Variants in RBPJ observed in about 807,000 individuals in gnomAD.
The protein encoded by RBPJ is recombining binding protein suppressor of hairless.
RBPJ carries 9 observed loss-of-function variants against 67.8 expected under a neutral mutation model. The observed-to-expected ratio is 0.13, with a 90% CI of 0.08 to 0.23. RBPJ has a LOEUF of 0.23. RBPJ is among the 10% of genes least tolerant of loss of function. The probability of loss-of-function intolerance (pLI) is 1.00; values close to 1 mark genes in which losing one functional copy is unlikely to be tolerated. For missense variants in RBPJ, 305 were observed against 595.6 expected, an observed-to-expected ratio of 0.51 and a Z score of 5.08; for synonymous variants, 198 against 203.3, an observed-to-expected ratio of 0.97 and a Z score of 0.22.
chr4:26,219,724 T>C (rs1379807759), intron 1 of RBPJ, among the ~76,000 whole-genome samples: 1 of 152,172 alleles, frequency 6.6e-6, no homozygotes, highest in Non-Finnish European at 1.5e-5. Flanking sequence ...TTAAAATGAC[T>C]AAATCCAAGT....
intron 1 of RBPJ, among the ~76,000 whole-genome samples, chr4:26,219,751 T>C (rs1718837939): frequency 6.6e-6 from 1 of 152,178 alleles, no homozygotes; most frequent in Non-Finnish European, 1.5e-5. Flanking sequence ...AACTGGTATA[T>C]GGCAGAGTCA....
chr4:26,430,291 T>A lies in RBPJ; in HGVS notation c.1045-128T>A. ...ATCTTGAAATGTTTTTAGCTAGCTT[T>A]GTAATAAAAAACATTTTAATTGCCC... On this transcript the variant is annotated intron_variant, in intron 9 of 10. Transcript: ENST00000355476. This position sits in a 1 kb window ranked among gnomAD's most constrained non-coding sequence, Gnocchi z 4.1. The A allele has an allele frequency of 1.1e-6, 1 of 894,976 alleles. No homozygotes were observed. The highest frequency in any genetic ancestry group is 1.7e-6 in the Non-Finnish European group (1 of 571,786). 55.4% of individuals were successfully genotyped at this position (894,976 alleles called of 1,614,324 possible).
chr4:26,156,435 T>C, the RBPJ span, among the ~76,000 whole-genome samples: 1 of 148,062 alleles, frequency 6.8e-6, no homozygotes, highest in African/African-American at 2.5e-5. Flanking sequence ...TTTTTTTTTT[T>C]TGAGACAGAG....
intron 2 of RBPJ, among the ~76,000 whole-genome samples, chr4:26,392,149 T>C (rs1731567548): frequency 6.6e-6 from 1 of 152,252 alleles, no homozygotes; most frequent in Non-Finnish European, 1.5e-5. Flanking sequence ...TAATACTGTA[T>C]ACCTGTTAAA....
At chr4:26,210,802 T>TCTTA (rs1196611535) in intron 1 of RBPJ, among the ~76,000 whole-genome samples, 1 of 149,604 alleles carries the variant, frequency 6.7e-6, no homozygotes, top group Non-Finnish European at 1.5e-5. Context: ...TTTCTTTCTT[T>TCTTA]CTTTCTTTTC....
At chr4:26,362,445 G>A (rs997485230) in intron 1 of RBPJ, 1 of 1,427,436 alleles carries the variant, frequency 7.0e-7, no homozygotes, top group Non-Finnish European at 9.2e-7. Context: ...TTGTTTTTAA[G>A]TCATTGAAAT....
chr4:26,251,571 G>A (rs1041330710), intron 1 of RBPJ, among the ~76,000 whole-genome samples: 30 of 151,084 alleles, frequency 2.0e-4, no homozygotes, highest in Admixed American at 1.9e-3. Flanking sequence ...GGGAGGTGGA[G>A]GTTGCAATGA....
chr4:26,339,050 G>A (rs1245915305), intron 1 of RBPJ, among the ~76,000 whole-genome samples: 2 of 151,014 alleles, frequency 1.3e-5, no homozygotes, highest in Non-Finnish European at 2.9e-5. Flanking sequence ...GGACCTCCTG[G>A]TCTCAAGCCG....
intron 1 of RBPJ, among the ~76,000 whole-genome samples, chr4:26,182,124 T>G (rs111947792): frequency 6.6e-6 from 1 of 152,182 alleles, no homozygotes; most frequent in African/African-American, 2.4e-5. Context: ...AGCCGGATCA[T>G]GAGGTCAGAA....
the RBPJ span, among the ~76,000 whole-genome samples, chr4:26,130,861 C>T: frequency 6.6e-6 from 1 of 152,184 alleles, no homozygotes; most frequent in African/African-American, 2.4e-5. Context: ...AAATAGAGTA[C>T]AAGCAACACT....
chr4:26,299,360 A>T (rs1721991784), intron 1 of RBPJ, among the ~76,000 whole-genome samples: 2 of 151,986 alleles, frequency 1.3e-5, no homozygotes, highest in African/African-American at 4.8e-5. Flanking sequence ...TTAACACATC[A>T]TGTAGATCTG....
intron 1 of RBPJ, among the ~76,000 whole-genome samples, chr4:26,334,017 C>T (rs553440326): frequency 3.2e-4 from 48 of 151,474 alleles, no homozygotes; most frequent in Middle Eastern, 3.5e-3. Flanking sequence ...GGATGTTGTT[C>T]TATCAGTTAA....
Position 26,244,214 on chromosome 4 carries a change from CAT to C in RBPJ, c.-167+80603_-167+80604del, listed in dbSNP as rs1229165600. Reference sequence around the variant, plus strand: ...ATATATGTGTCTATATATGTATACACATATGTGTACACATATATGTGTCTATA... The same window carrying C: ...ATATATGTGTCTATATATGTATACACATGTGTACACATATATGTGTCTATA... On this transcript the variant is annotated intron_variant, in intron 1 of 4. Coordinates refer to the RBPJ transcript ENST00000512351. Among the ~76,000 whole-genome samples the C allele has an allele frequency of 3.2e-4, 34 of 106,746 alleles. 2 individuals carry two copies. In the East Asian group the frequency reaches 9.2e-3, roughly 29 times the overall value. 70.0% of individuals were successfully genotyped at this position (106,746 alleles called of 152,430 possible).
rs751278215 is a variant in RBPJ at position 26,428,902 on chromosome 4, TG to T, written c.888+43del. On this transcript the variant is annotated intron_variant, in intron 8 of 10. Transcript: ENST00000355476. ...CTGGTGAAATCTAAAATGTACAAAC[TG>T]TGAGGTTAGCAGCTTGCAAAAATAT... 1.4e-5 allele frequency: 21 copies of T among 1,518,518 alleles called. No individual in the cohort carries two copies. In the South Asian group the frequency reaches 2.3e-4, roughly 16 times the overall value. The allele number at this position is 1,518,518 out of a possible 1,614,324, so 94.1% of individuals were successfully genotyped here.
chr4:26,336,362 C>A lies in RBPJ; in HGVS notation c.20+15314C>A, dbSNP rs544226945. ...AGATCTAGGTACTGTGGCTTGTAAT[C>A]CCAGCCATCCCAGAGGCTGAGGTGG... is the stretch of plus-strand genomic sequence containing the variant. On this transcript the variant is annotated intron_variant, in intron 1 of 10. Coordinates refer to ENST00000355476, the MANE Select transcript of RBPJ (RefSeq NM_015874.6). Among the ~76,000 whole-genome samples, 7 of 152,182 alleles carry A rather than the reference C, an allele frequency of 4.6e-5. No individual in the cohort carries two copies. In the South Asian group the frequency reaches 1.5e-3, roughly 32 times the overall value.
chr4:26,365,733 C>A (rs1728556978), intron 1 of RBPJ, among the ~76,000 whole-genome samples: 2 of 152,184 alleles, frequency 1.3e-5, no homozygotes, highest in Non-Finnish European at 2.9e-5. Flanking sequence ...TTTCAGTATG[C>A]TTTCTAATGG....
intron 1 of RBPJ, among the ~76,000 whole-genome samples, chr4:26,350,723 T>A (rs1170930879): frequency 6.6e-6 from 1 of 152,178 alleles, no homozygotes; most frequent in Non-Finnish European, 1.5e-5. Context: ...CTGGATTAGA[T>A]GTGGCATGTG....
chr4:26,385,787 A>G (rs1730852909), intron 1 of RBPJ, among the ~76,000 whole-genome samples: 1 of 148,746 alleles, frequency 6.7e-6, no homozygotes, highest in South Asian at 2.1e-4. Flanking sequence ...TTTTTTTAAT[A>G]TATTATTTAT....
chr4:26,422,455 A>C (rs1274109372), intron 5 of RBPJ, among the ~76,000 whole-genome samples: 2 of 152,184 alleles, frequency 1.3e-5, no homozygotes, highest in East Asian at 3.8e-4. Flanking sequence ...TATTTGCTTC[A>C]ATTGTAATAT....
Sources: allele counts gnomAD v4.1 joint callset (sites outside exome capture counted in the v4.1 genomes callset), GRCh38; gene constraint gnomAD v4.1.1; non-coding constraint Gnocchi (gnomAD v3.1); transcripts MANE v1.5; gene names NCBI Gene and HGNC (gene_info 2026-07-23, HGNC 2026-07-21).